Variants in SARNP observed in about 807,000 individuals in gnomAD.
SARNP encodes SAP domain-containing ribonucleoprotein.
In SARNP, 5 loss-of-function variants were observed where a neutral mutation model predicts 38.1. The ratio of observed to expected loss-of-function variants is 0.13; its 90% CI spans 0.07 to 0.28. The LOEUF is 0.28. SARNP is among the 10% of genes least tolerant of loss of function. The probability of loss-of-function intolerance (pLI) is 1.00; values close to 1 mark genes in which losing one functional copy is unlikely to be tolerated. For synonymous variants in SARNP, 84 were observed against 80.6 expected (o/e 1.04, Z -0.23); for missense variants, 180 against 243.9 (o/e 0.74, Z 1.75).
At chr12:55,802,047 T>C (rs926953340) in intron 2 of SARNP, among the ~76,000 whole-genome samples, 4 of 152,238 alleles carry the variant, frequency 2.6e-5, no homozygotes, top group African/African-American at 9.6e-5. Context: ...CAAAGAATTG[T>C]GAAATGTTTA....
intron 10 of SARNP, among the ~76,000 whole-genome samples, chr12:55,757,932 CG>C (rs775769603): frequency 2.0e-5 from 3 of 152,170 alleles, no homozygotes; most frequent in African/African-American, 7.2e-5. Flanking sequence ...AATGGGGAGA[CG>C]GAAGATTTCA....
intron 4 of SARNP, among the ~76,000 whole-genome samples, chr12:55,797,047 C>A (rs538819613): frequency 1.4e-3 from 206 of 152,282 alleles, no homozygotes; most frequent in South Asian, 2.9e-3. Context: ...ATTAACCCTC[C>A]ACCAAACAAC....
At chr12:55,813,858 A>G (rs553025133) in intron 1 of SARNP, among the ~76,000 whole-genome samples, 45 of 152,234 alleles carry the variant, frequency 3.0e-4, no homozygotes, top group African/African-American at 7.9e-4. Flanking sequence ...TGGATTTAAT[A>G]TACAACATTT....
intron 9 of SARNP, among the ~76,000 whole-genome samples, chr12:55,769,657 T>C (rs1878948423): frequency 6.6e-6 from 1 of 152,256 alleles, no homozygotes; most frequent in South Asian, 2.1e-4. Context: ...CTCCAACTTA[T>C]GATGCTTTGC....
intron 9 of SARNP, among the ~76,000 whole-genome samples, chr12:55,774,718 GC>G (rs1399732037): frequency 1.3e-5 from 2 of 151,556 alleles, no homozygotes; most frequent in Admixed American, 1.3e-4. Flanking sequence ...GGTGACAAGA[GC>G]AAAAGCACCC....
intron 1 of SARNP, among the ~76,000 whole-genome samples, chr12:55,814,578 T>A (rs570582983): frequency 2.8e-4 from 43 of 152,116 alleles, no homozygotes; most frequent in Non-Finnish European, 5.3e-4. Context: ...TTTCCAAATG[T>A]GTTAGTATGG....
intron 1 of SARNP, among the ~76,000 whole-genome samples, chr12:55,811,495 A>AG (rs145420328): frequency 0.018 from 2,773 of 152,182 alleles, 82 homozygotes; most frequent in African/African-American, 0.06. Flanking sequence ...ACTTGAGTCC[A>AG]GAAGACTGAA....
chr12:55,809,445 A>G (rs946895470), intron 1 of SARNP, among the ~76,000 whole-genome samples: 5 of 151,440 alleles, frequency 3.3e-5, no homozygotes, highest in Non-Finnish European at 5.9e-5. Context: ...CCCTGTCCCA[A>G]GAAGAAAATA....
chr12:55,755,790 A>G (rs1167621554), downstream of SARNP: 1 of 125,564 alleles, frequency 8.0e-6, no homozygotes, highest in Admixed American at 7.5e-5. Context: ...GAGGTTAATA[A>G]GAAAAAAAAA....
At chr12:55,774,723 A>G (rs1361546656) in intron 9 of SARNP, among the ~76,000 whole-genome samples, 1 of 151,820 alleles carries the variant, frequency 6.6e-6, no homozygotes, top group Admixed American at 6.6e-5. Flanking sequence ...CAAGAGCAAA[A>G]GCACCCTCAA....
At chr12:55,814,086 G>C (rs962100895) in intron 1 of SARNP, among the ~76,000 whole-genome samples, 1 of 152,136 alleles carries the variant, frequency 6.6e-6, no homozygotes, top group Admixed American at 6.6e-5. Flanking sequence ...ATAAAATAAG[G>C]CCACAGTAGT....
chr12:55,765,746 A>G (rs1878809437), intron 9 of SARNP, among the ~76,000 whole-genome samples: 1 of 151,870 alleles, frequency 6.6e-6, no homozygotes, highest in Non-Finnish European at 1.5e-5. Flanking sequence ...AACAACAACA[A>G]TACATCGTTC....
intron 9 of SARNP, among the ~76,000 whole-genome samples, chr12:55,782,992 T>G (rs556200774): frequency 6.6e-6 from 1 of 152,102 alleles, no homozygotes; most frequent in Admixed American, 6.5e-5. Flanking sequence ...ACGCCTGTAG[T>G]CCTAGCTACT....
chr12:55,794,663 T>C (rs983045201), intron 6 of SARNP, 144 bp downstream of exon 6: 1 of 655,582 alleles, frequency 1.5e-6, no homozygotes, highest in Non-Finnish European at 2.7e-6. Context: ...GTAGACATGT[T>C]CTGAATAGGG....
At chr12:55,770,218 A>G (rs1009311731) in intron 9 of SARNP, among the ~76,000 whole-genome samples, 9 of 151,200 alleles carry the variant, frequency 6.0e-5, no homozygotes, top group African/African-American at 2.2e-4. Context: ...TCATCAGGTT[A>G]TAACTAGAAT....
At chr12:55,808,067 G>A (rs1235827837) in intron 1 of SARNP, among the ~76,000 whole-genome samples, 6 of 152,140 alleles carry the variant, frequency 3.9e-5, no homozygotes, top group Non-Finnish European at 7.4e-5. Flanking sequence ...GTAGTGAGGC[G>A]TGAGCCACTG....
chr12:55,796,996 G>A (rs1255068717), intron 4 of SARNP, among the ~76,000 whole-genome samples: 1 of 152,098 alleles, frequency 6.6e-6, no homozygotes, highest in Non-Finnish European at 1.5e-5. Context: ...CCACAGGGGC[G>A]GGAGACAAAG....
chr12:55,804,721 A>G (rs899949378), intron 1 of SARNP, among the ~76,000 whole-genome samples: 4 of 152,156 alleles, frequency 2.6e-5, no homozygotes, highest in African/African-American at 7.2e-5. Context: ...GCACAACGAC[A>G]TGCTGACCCA....
chr12:55,794,457 A>AT, intron 6 of SARNP, 70 bp from the exon 7 acceptor site: 1 of 1,316,438 alleles, frequency 7.6e-7, no homozygotes, highest in Non-Finnish European at 1.1e-6. Context: ...CTCCGTGTCA[A>AT]GTATACATAT....
Sources: allele counts gnomAD v4.1 joint callset (sites outside exome capture counted in the v4.1 genomes callset), GRCh38; gene constraint gnomAD v4.1.1; transcripts MANE v1.5; gene names NCBI Gene and HGNC (gene_info 2026-07-23, HGNC 2026-07-21).